Variants in EPS15 observed in about 807,000 individuals in gnomAD.
EPS15 encodes the protein epidermal growth factor receptor pathway substrate 15.
Under a neutral mutation model 113.8 loss-of-function variants are expected in EPS15, and 72 were observed. That is an observed-to-expected ratio of 0.63 (90% confidence interval 0.52 to 0.77). The LOEUF (loss-of-function observed/expected upper bound fraction) is 0.77, where lower values mean the gene tolerates loss of function less well. Among genes scored for constraint, EPS15 ranks in the 30% least tolerant of loss-of-function variants. EPS15 has a pLI of 0.00. For synonymous variants in EPS15, 344 were observed against 363.4 expected (o/e 0.95, Z 0.61); for missense variants, 1,048 against 1,045.8 (o/e 1.00, Z -0.03).
chr1:51,357,422 ATATATTTTTT>A (rs1372859743), intron 24 of EPS15, among the ~76,000 whole-genome samples: 2 of 71,070 alleles, frequency 2.8e-5, no homozygotes, highest in African/African-American at 1.5e-4. Context: ...ATATATATAT[ATATATTTTTT>A]TTTTTTAAAT....
chr1:51,514,722 T>C (rs1303930322), intron 1 of EPS15, among the ~76,000 whole-genome samples: 1 of 152,210 alleles, frequency 6.6e-6, no homozygotes, highest in Non-Finnish European at 1.5e-5. Context: ...AGATTATTCC[T>C]GAGAGACTTG....
intron 1 of EPS15, among the ~76,000 whole-genome samples, chr1:51,507,915 C>T (rs749310897): frequency 2.6e-5 from 4 of 151,944 alleles, no homozygotes; most frequent in East Asian, 1.9e-4. Context: ...CGGTGGCTCA[C>T]GCCTGTATTT....
chr1:51,453,064 A>G (rs1389390420), intron 8 of EPS15, among the ~76,000 whole-genome samples: 1 of 152,208 alleles, frequency 6.6e-6, no homozygotes, highest in Non-Finnish European at 1.5e-5. Context: ...CAAACTTTTT[A>G]TTTCCAAAAG....
At chr1:51,440,877 G>A (rs1057143882) in intron 11 of EPS15, among the ~76,000 whole-genome samples, 11 of 152,072 alleles carry the variant, frequency 7.2e-5, no homozygotes, top group Non-Finnish European at 2.9e-5. Flanking sequence ...ACCTACAGTA[G>A]TGGTTGATTT....
intron 1 of EPS15, among the ~76,000 whole-genome samples, chr1:51,509,388 C>T (rs1400498881): frequency 1.3e-5 from 2 of 152,088 alleles, no homozygotes. Context: ...ATTAATGGCT[C>T]ATATAACTAA....
chr1:51,472,700 T>C (rs1283050018), intron 3 of EPS15, among the ~76,000 whole-genome samples, 159 bp downstream of exon 3: 2 of 152,236 alleles, frequency 1.3e-5, no homozygotes, highest in Non-Finnish European at 2.9e-5. Context: ...GGTAAATCAC[T>C]ACGCTACAAA....
At chr1:51,501,810 C>A (rs1209097365) in intron 1 of EPS15, among the ~76,000 whole-genome samples, 4 of 152,074 alleles carry the variant, frequency 2.6e-5, no homozygotes, top group Admixed American at 2.6e-4. Flanking sequence ...ACTACATTTA[C>A]CATGCAAAAG....
At chr1:51,480,683 T>C (rs1644004885) in intron 2 of EPS15, among the ~76,000 whole-genome samples, 1 of 152,114 alleles carries the variant, frequency 6.6e-6, no homozygotes, top group Admixed American at 6.5e-5. Flanking sequence ...CCAGCTAATT[T>C]TGTATTTTAG....
At chr1:51,396,030 T>A (rs1647901717) in intron 20 of EPS15, among the ~76,000 whole-genome samples, 1 of 152,042 alleles carries the variant, frequency 6.6e-6, no homozygotes, top group South Asian at 2.1e-4. Flanking sequence ...TAAAAGAGAG[T>A]CCATTAAAAC....
At chr1:51,466,151 T>C (rs1168478451) in intron 5 of EPS15, among the ~76,000 whole-genome samples, 2 of 149,532 alleles carry the variant, frequency 1.3e-5, no homozygotes, top group Non-Finnish European at 3.0e-5. Flanking sequence ...TATGGATAAA[T>C]AGATCAATAG....
At chr1:51,473,611 C>CA (rs1463597498) in intron 2 of EPS15, among the ~76,000 whole-genome samples, 1 of 151,570 alleles carries the variant, frequency 6.6e-6, no homozygotes, top group Non-Finnish European at 1.5e-5. Flanking sequence ...ACAACAACAA[C>CA]AAAAACAGGA....
intron 12 of EPS15, among the ~76,000 whole-genome samples, chr1:51,439,628 C>T (rs1380760129): frequency 6.6e-6 from 1 of 151,926 alleles, no homozygotes; most frequent in African/African-American, 2.4e-5. Flanking sequence ...TAAGGAAGTA[C>T]CAATAATATC....
intron 13 of EPS15, among the ~76,000 whole-genome samples, chr1:51,420,066 G>A (rs536016732): frequency 6.6e-6 from 1 of 152,078 alleles, no homozygotes; most frequent in South Asian, 2.1e-4. Flanking sequence ...GGCCCAAGAT[G>A]CCTTACTTAT....
chr1:51,447,163 A>G (rs1653132280), intron 9 of EPS15, 58 bp from the exon 10 acceptor site: 7 of 1,461,968 alleles, frequency 4.8e-6, no homozygotes, highest in East Asian at 2.3e-5. Context: ...TTGAAGTGTC[A>G]CTCTTTCAAT....
At chr1:51,451,598 T>C (rs775981173) in intron 8 of EPS15, among the ~76,000 whole-genome samples, 27 of 150,822 alleles carry the variant, frequency 1.8e-4, no homozygotes, top group Non-Finnish European at 2.5e-4. Flanking sequence ...AATGGAGCAA[T>C]TGAGAGCAGG....
intron 16 of EPS15, among the ~76,000 whole-genome samples, chr1:51,405,308 C>T (rs892464341): frequency 6.6e-6 from 1 of 152,062 alleles, no homozygotes; most frequent in Middle Eastern, 3.2e-3. Flanking sequence ...GTCCTTAACA[C>T]TACGTAATAA....
At chr1:51,364,974 T>A (rs1049565611) in intron 22 of EPS15, among the ~76,000 whole-genome samples, 20 of 151,976 alleles carry the variant, frequency 1.3e-4, no homozygotes, top group Admixed American at 4.6e-4. Context: ...GGATTACAGG[T>A]GCGTGCCGGC....
rs139874323 is a variant in EPS15, at chr1:51,432,450, G to A, written c.1040+7897C>T. Among the ~76,000 whole-genome samples the A allele has an allele frequency of 3.0e-4, 45 of 152,040 alleles. No individual in the cohort carries two copies. The East Asian group carries it at 6.4e-3, about 22-fold the overall frequency. ...CCCAAAGTCCTGGGATTACAGATGT[G>A]AGCCACCATGCCCAGCCTAAGTAAT... On this transcript the variant is annotated intron_variant, in intron 12 of 24. Transcript: ENST00000371733.
At chr1:51,433,073 T>C (rs1570294207) in intron 12 of EPS15, among the ~76,000 whole-genome samples, 1 of 152,206 alleles carries the variant, frequency 6.6e-6, no homozygotes, top group South Asian at 2.1e-4. Context: ...TTTTAAAAAT[T>C]TGAACCATAT....
Sources: allele counts gnomAD v4.1 joint callset (sites outside exome capture counted in the v4.1 genomes callset), GRCh38; gene constraint gnomAD v4.1.1; transcripts MANE v1.5; gene names NCBI Gene and HGNC (gene_info 2026-07-23, HGNC 2026-07-21).